PRTG: variants seen among roughly 807,000 people sequenced by gnomAD.
PRTG encodes the protein protogenin, also known as immunoglobulin superfamily, DCC subclass, member 5.
PRTG carries 67 observed loss-of-function variants against 122.5 expected under a neutral mutation model. The ratio of observed to expected loss-of-function variants is 0.55; its 90% CI spans 0.45 to 0.67. The LOEUF (loss-of-function observed/expected upper bound fraction) is 0.67, where lower values mean the gene tolerates loss of function less well. PRTG is among the 30% of genes least tolerant of loss of function. PRTG has a pLI of 0.00. For synonymous variants in PRTG, 554 were observed against 501.1 expected, an observed-to-expected ratio of 1.11 and a Z score of -1.41; for missense variants, 1,435 against 1,415.4, an observed-to-expected ratio of 1.01 and a Z score of -0.22.
At chr15:55,663,010 A>T (rs2059418414) in intron 11 of PRTG, among the ~76,000 whole-genome samples, 1 of 152,218 alleles carries the variant, frequency 6.6e-6, no homozygotes, top group South Asian at 2.1e-4. Context: ...AAGTGAACTC[A>T]GTATCTCCTA....
intron 11 of PRTG, among the ~76,000 whole-genome samples, 179 bp downstream of exon 11, chr15:55,672,266 C>T (rs968480665): frequency 2.0e-5 from 3 of 152,198 alleles, no homozygotes; most frequent in Non-Finnish European, 4.4e-5. Flanking sequence ...ACTGGACTCA[C>T]AATGGTAAGT....
Position 55,638,709 on chromosome 15 carries a change from G to C in PRTG, c.2325-33C>G, listed in dbSNP as rs1327769078. Reference sequence around the variant, plus strand: ...AACGAGTGATGAAGTTGTTAATGCTGGTAGTATAATATTGTTTGTAAAAGA... The same window carrying C: ...AACGAGTGATGAAGTTGTTAATGCTCGTAGTATAATATTGTTTGTAAAAGA... On this transcript the variant is annotated intron_variant, in intron 13 of 19. Transcript: ENST00000389286. The C allele has an allele frequency of 3.8e-6, 6 of 1,593,902 alleles. No individual in the cohort carries two copies. The Admixed American group carries it at 1.0e-4, about 27-fold the overall frequency.
At chr15:55,656,732 TCTC>T (rs1389128419) in intron 11 of PRTG, among the ~76,000 whole-genome samples, 1 of 152,220 alleles carries the variant, frequency 6.6e-6, no homozygotes, top group Non-Finnish European at 1.5e-5. Flanking sequence ...ATGGTCTCGA[TCTC>T]CTGACCTCAT....
At chr15:55,722,865 G>A (rs2030880134) in intron 2 of PRTG, among the ~76,000 whole-genome samples, 1 of 152,192 alleles carries the variant, frequency 6.6e-6, no homozygotes, top group Non-Finnish European at 1.5e-5. Context: ...CCTCCAGGAA[G>A]AAGTAGTGAT....
intron 15 of PRTG, among the ~76,000 whole-genome samples, chr15:55,633,216 A>G (rs967858559): frequency 6.6e-6 from 1 of 152,112 alleles, no homozygotes; most frequent in Non-Finnish European, 1.5e-5. Context: ...GATTTACTGC[A>G]TATGAGGAGG....
intron 3 of PRTG, among the ~76,000 whole-genome samples, chr15:55,683,108 T>C (rs1436533729): frequency 1.3e-5 from 2 of 152,006 alleles, no homozygotes; most frequent in African/African-American, 4.8e-5. Flanking sequence ...TGGCCTAGAG[T>C]TTAGTATAAT....
At chr15:55,649,370 T>C (rs1047865287) in intron 11 of PRTG, among the ~76,000 whole-genome samples, 7 of 152,136 alleles carry the variant, frequency 4.6e-5, no homozygotes, top group African/African-American at 1.4e-4. Flanking sequence ...AAAATGGGTA[T>C]GACAATGATA....
At chr15:55,695,089 T>A (rs1384428522) in intron 2 of PRTG, among the ~76,000 whole-genome samples, 1 of 152,220 alleles carries the variant, frequency 6.6e-6, no homozygotes, top group East Asian at 1.9e-4. Context: ...CCTCTTCACC[T>A]GTCTATTTAA....
intron 11 of PRTG, among the ~76,000 whole-genome samples, chr15:55,662,587 A>T (rs2059416024): frequency 6.6e-6 from 1 of 152,144 alleles, no homozygotes; most frequent in African/African-American, 2.4e-5. Flanking sequence ...ATTTCACCAA[A>T]CTAAGATCAC....
chr15:55,628,386 G>GAA (rs35201571), intron 16 of PRTG, among the ~76,000 whole-genome samples: 41 of 142,740 alleles, frequency 2.9e-4, no homozygotes, highest in Non-Finnish European at 3.5e-4. Flanking sequence ...GACAGAGAGG[G>GAA]AAAAAAAAAA....
At chr15:55,634,954 A>G (rs1310050046) in intron 15 of PRTG, among the ~76,000 whole-genome samples, 2 of 152,136 alleles carry the variant, frequency 1.3e-5, no homozygotes, top group Non-Finnish European at 2.9e-5. Context: ...TTGGCCATGT[A>G]GCTTACTCTG....
At chr15:55,674,697 G>GA (rs2059492291) in intron 9 of PRTG, among the ~76,000 whole-genome samples, 2 of 151,786 alleles carry the variant, frequency 1.3e-5, no homozygotes, top group Non-Finnish European at 2.9e-5. Flanking sequence ...GGACTAAATG[G>GA]AAAAAAAGGA....
chr15:55,611,836 A>G lies in PRTG; in HGVS notation c.*8176T>C, dbSNP rs947476660. Reference sequence around the variant, plus strand: ...TTTCTTCGTGCAATGGCATTCACAGAACTGATCCCCTGAGTCAAGTATAAA... The same window carrying G: ...TTTCTTCGTGCAATGGCATTCACAGGACTGATCCCCTGAGTCAAGTATAAA... On this transcript the variant is annotated 3_prime_UTR_variant, in exon 20 of 20. Transcript: ENST00000389286. The G allele has an allele frequency of 2.6e-5, 4 of 152,118 alleles. No individual in the cohort carries two copies. The highest frequency in any genetic ancestry group is 5.9e-5 in the Non-Finnish European group (4 of 67,954). The allele number at this position is 152,118 out of a possible 1,614,324, so 9.4% of individuals were successfully genotyped here. A position where few individuals can be genotyped will look rare whatever the true frequency, so the allele number is the denominator to read the frequency against.
chr15:55,730,401 C>T (rs926332558), intron 2 of PRTG, among the ~76,000 whole-genome samples: 3 of 152,026 alleles, frequency 2.0e-5, no homozygotes, highest in East Asian at 1.9e-4. Flanking sequence ...AGCACCTGGC[C>T]GTTACCATTC....
intron 1 of PRTG, among the ~76,000 whole-genome samples, chr15:55,741,162 C>T (rs1425553571): frequency 6.6e-6 from 1 of 152,244 alleles, no homozygotes; most frequent in African/African-American, 2.4e-5. Context: ...CCTTTGGGAA[C>T]TGCGTTTATC....
At chr15:55,731,544 T>C (rs1439852834) in intron 2 of PRTG, among the ~76,000 whole-genome samples, 2 of 151,514 alleles carry the variant, frequency 1.3e-5, no homozygotes, top group Non-Finnish European at 2.9e-5. Context: ...ATAATGTTTG[T>C]ATTTTTAGTA....
chr15:55,738,088 ATAT>A (rs2031494022), intron 2 of PRTG: 1 of 143,694 alleles, frequency 7.0e-6, no homozygotes, highest in Non-Finnish European at 1.5e-5. Context: ...ATATATATAT[ATAT>A]ATTTACTCTG....
intron 17 of PRTG, among the ~76,000 whole-genome samples, chr15:55,625,348 G>A (rs957576258): frequency 6.6e-6 from 1 of 152,096 alleles, no homozygotes; most frequent in Non-Finnish European, 1.5e-5. Flanking sequence ...CATATGTCCC[G>A]TGGTGTTCTC....
At chr15:55,680,853 T>C (rs1296549659) in intron 4 of PRTG, among the ~76,000 whole-genome samples, 1 of 152,142 alleles carries the variant, frequency 6.6e-6, no homozygotes, top group Non-Finnish European at 1.5e-5. Flanking sequence ...TTAGAACATT[T>C]TTATCACTCT....
Sources: allele counts gnomAD v4.1 joint callset (sites outside exome capture counted in the v4.1 genomes callset), GRCh38; gene constraint gnomAD v4.1.1; transcripts MANE v1.5; gene names NCBI Gene and HGNC (gene_info 2026-07-23, HGNC 2026-07-21).